The following MACROD2 variants were observed in gnomAD, a reference collection of about 807,000 sequenced individuals.
The protein encoded by MACROD2 is mono-ADP ribosylhydrolase 2.
Under a neutral mutation model 70.4 loss-of-function variants are expected in MACROD2, and 36 were observed. That is an observed-to-expected ratio of 0.51 (90% CI 0.39 to 0.68). The LOEUF (loss-of-function observed/expected upper bound fraction) is 0.68. Among genes scored for constraint, MACROD2 ranks in the 30% least tolerant of loss-of-function variants. The pLI, the probability that MACROD2 is intolerant of heterozygous loss-of-function variation, is 0.00. For missense variants in MACROD2, 496 were observed against 538.4 expected, an observed-to-expected ratio of 0.92 and a Z score of 0.78; for synonymous variants, 172 against 178.8, an observed-to-expected ratio of 0.96 and a Z score of 0.30.
intron 4 of MACROD2, among the ~76,000 whole-genome samples, chr20:14,652,314 A>G (rs1405284957): frequency 6.6e-6 from 1 of 152,216 alleles, no homozygotes; most frequent in Non-Finnish European, 1.5e-5. Flanking sequence ...AAGTAATTTT[A>G]CCATAATATT....
At chr20:14,039,729 C>G (rs1477108838) in intron 2 of MACROD2, among the ~76,000 whole-genome samples, 3 of 151,396 alleles carry the variant, frequency 2.0e-5, no homozygotes, top group African/African-American at 7.3e-5. Context: ...TTTAGGTTGG[C>G]ATATATAAGT....
intron 5 of MACROD2, among the ~76,000 whole-genome samples, chr20:14,774,548 C>G (rs1600650886): frequency 6.6e-6 from 1 of 152,156 alleles, no homozygotes; most frequent in South Asian, 2.1e-4. Flanking sequence ...CTGAATGTCT[C>G]CTTCTCAGTT....
intron 12 of MACROD2, among the ~76,000 whole-genome samples, chr20:15,953,641 G>C (rs1310404854): frequency 2.0e-5 from 3 of 152,074 alleles, no homozygotes; most frequent in Admixed American, 6.6e-5. Flanking sequence ...TTGTAAAAAC[G>C]TTTCTGTTTT....
intron 6 of MACROD2, among the ~76,000 whole-genome samples, chr20:15,315,416 A>G (rs2077799104): frequency 6.6e-6 from 1 of 152,204 alleles, no homozygotes; most frequent in Non-Finnish European, 1.5e-5. Context: ...ACTGTTAAAC[A>G]CTAGAAACAA....
At chr20:15,842,753 G>GAGAA (rs33937643) in intron 8 of MACROD2, among the ~76,000 whole-genome samples, 40,056 of 140,138 alleles carry the variant, frequency 0.29, 5,779 homozygotes, top group East Asian at 0.29. Context: ...TAGAGAAATA[G>GAGAA]ACAGACAAAT....
At chr20:14,736,811 C>T (rs988785028) in intron 5 of MACROD2, among the ~76,000 whole-genome samples, 3 of 151,978 alleles carry the variant, frequency 2.0e-5, no homozygotes, top group East Asian at 1.9e-4. Flanking sequence ...GGTCTGTTTC[C>T]GAAGCCAAAG....
chr20:14,180,619 T>C (rs563539670), intron 3 of MACROD2, among the ~76,000 whole-genome samples: 1 of 152,274 alleles, frequency 6.6e-6, no homozygotes, highest in East Asian at 1.9e-4. Flanking sequence ...TATGAAGCAA[T>C]AAAACTGCCA....
At chr20:14,332,373 G>A (rs964989466) in intron 3 of MACROD2, among the ~76,000 whole-genome samples, 10 of 152,022 alleles carry the variant, frequency 6.6e-5, no homozygotes, top group African/African-American at 2.2e-4. Flanking sequence ...AGAGCTTGCG[G>A]CAATCTACAT....
At chr20:15,927,550 G>A (rs562094152) in intron 10 of MACROD2, among the ~76,000 whole-genome samples, 12 of 152,184 alleles carry the variant, frequency 7.9e-5, no homozygotes, top group South Asian at 6.3e-4. Flanking sequence ...CGAATACGAC[G>A]GTATGACGTT....
At chr20:15,340,468 G>A (rs2078099185) in intron 6 of MACROD2, among the ~76,000 whole-genome samples, 1 of 151,978 alleles carries the variant, frequency 6.6e-6, no homozygotes, top group South Asian at 2.1e-4. Flanking sequence ...CCTTTGAATA[G>A]ACCTAACCCA....
chr20:14,122,641 G>A (rs543753179), intron 3 of MACROD2, among the ~76,000 whole-genome samples: 12 of 152,204 alleles, frequency 7.9e-5, no homozygotes, highest in East Asian at 1.9e-4. Flanking sequence ...GTGTCAGAAC[G>A]AATATTTGAA....
chr20:15,202,925 C>T (rs1317551277), intron 5 of MACROD2, among the ~76,000 whole-genome samples: 1 of 152,046 alleles, frequency 6.6e-6, no homozygotes, highest in Non-Finnish European at 1.5e-5. Context: ...CATCTACTGG[C>T]ATGGACTACT....
intron 4 of MACROD2, among the ~76,000 whole-genome samples, chr20:14,594,966 T>C (rs1330860858): frequency 6.6e-6 from 1 of 152,196 alleles, no homozygotes; most frequent in Non-Finnish European, 1.5e-5. Flanking sequence ...TATTTCACCA[T>C]ACACTTTTCC....
chr20:15,694,842 T>C (rs2050344803), intron 8 of MACROD2, among the ~76,000 whole-genome samples: 1 of 152,376 alleles, frequency 6.6e-6, no homozygotes, highest in East Asian at 1.9e-4. Context: ...AGAATTTTTA[T>C]AGTTTCAGGT....
At position 14,757,974 on chromosome 20, in the gene MACROD2, A is replaced by C. The variant is rs1018663518; in HGVS notation, c.418+73015A>C. The stretch of plus-strand genomic sequence containing the variant: ...GCTGTGCCCCCTGGTGCCGACAAGA[A>C]AGCCGAGGCTGGGACTGGGTCAGCA... On this transcript the variant is annotated intron_variant, in intron 5 of 17. Coordinates refer to ENST00000684519, the MANE Select transcript of MACROD2 (RefSeq NM_001351661.2). 5.2e-5 allele frequency: 45 copies of C among 869,524 alleles called. No individual in the cohort carries two copies. The African/African-American group carries it at 7.3e-4, about 14-fold the overall frequency. 53.9% of individuals were successfully genotyped at this position (869,524 alleles called of 1,614,324 possible). A position where few individuals can be genotyped will look rare whatever the true frequency, so the allele number is the denominator to read the frequency against.
chr20:15,096,066 T>G (rs545836135), intron 5 of MACROD2, among the ~76,000 whole-genome samples: 6 of 152,096 alleles, frequency 3.9e-5, no homozygotes, highest in Non-Finnish European at 8.8e-5. Flanking sequence ...GGTGGACAAT[T>G]TGGACTTTAT....
intron 5 of MACROD2, among the ~76,000 whole-genome samples, chr20:14,974,071 A>G (rs1227535750): frequency 2.0e-5 from 3 of 152,234 alleles, no homozygotes; most frequent in African/African-American, 4.8e-5. Flanking sequence ...CACTATAGGC[A>G]ATATGAAATA....
chr20:15,095,467 C>A (rs2075823806), intron 5 of MACROD2, among the ~76,000 whole-genome samples: 1 of 151,966 alleles, frequency 6.6e-6, no homozygotes, highest in Admixed American at 6.6e-5. Context: ...GGATTTCTGA[C>A]CTCTTTGTAG....
At chr20:15,704,710 A>G (rs573309813) in intron 8 of MACROD2, among the ~76,000 whole-genome samples, 1 of 152,342 alleles carries the variant, frequency 6.6e-6, no homozygotes, top group South Asian at 2.1e-4. Context: ...TAGAAGATGG[A>G]CATAAAATGG....
Sources: gnomAD v4.1 joint callset for allele counts (sites outside exome capture counted in the v4.1 genomes callset) on GRCh38, gnomAD v4.1.1 for gene constraint, MANE v1.5 for transcripts, NCBI Gene and HGNC (gene_info 2026-07-23, HGNC 2026-07-21) for gene names.